Variants in USH2A observed in about 807,000 individuals in gnomAD.
USH2A encodes the protein usherin, also known as Usher syndrome 2A (autosomal recessive, mild).
USH2A carries 443 observed loss-of-function variants against 538.9 expected under a neutral mutation model. The observed-to-expected ratio is 0.82, with a 90% CI of 0.76 to 0.89. USH2A has a LOEUF of 0.89. USH2A is among the 40% of genes least tolerant of loss of function. The probability of loss-of-function intolerance (pLI) is 0.00; values close to 1 mark genes in which losing one functional copy is unlikely to be tolerated. For missense variants in USH2A, 6,633 were observed against 6,324.8 expected (o/e 1.05, Z -1.65); for synonymous variants, 2,413 against 2,273.5 (o/e 1.06, Z -1.75).
intron 64 of USH2A, among the ~76,000 whole-genome samples, chr1:215,659,861 G>C (rs1048909427): frequency 3.9e-5 from 6 of 152,166 alleles, no homozygotes; most frequent in African/African-American, 1.4e-4. Context: ...GGGTCAGAAA[G>C]TCAGGACTTG....
intron 37 of USH2A, among the ~76,000 whole-genome samples, chr1:215,935,713 C>T (rs1019585849): frequency 5.3e-5 from 8 of 151,762 alleles, no homozygotes; most frequent in African/African-American, 1.9e-4. Context: ...GTAACATTTT[C>T]TATATTAGAT....
At chr1:215,948,422 T>C (rs1319596889) in intron 37 of USH2A, among the ~76,000 whole-genome samples, 2 of 99,696 alleles carry the variant, frequency 2.0e-5, no homozygotes, top group Admixed American at 2.5e-4. Flanking sequence ...TCATATTTGT[T>C]CAGATATATA....
chr1:216,101,009 T>A (rs2032564958), intron 21 of USH2A, among the ~76,000 whole-genome samples: 1 of 152,198 alleles, frequency 6.6e-6, no homozygotes. Context: ...ATTGATGGTG[T>A]ATGTGAGACT....
At chr1:216,059,375 A>T (rs1200255720) in intron 30 of USH2A, among the ~76,000 whole-genome samples, 2 of 152,194 alleles carry the variant, frequency 1.3e-5, no homozygotes, top group Non-Finnish European at 2.9e-5. Flanking sequence ...GAAATCAATG[A>T]TTCTTCAGGG....
chr1:215,711,558 A>G (rs991896466), intron 61 of USH2A, among the ~76,000 whole-genome samples: 1 of 152,130 alleles, frequency 6.6e-6, no homozygotes, highest in South Asian at 2.1e-4. Flanking sequence ...TTAACAGGAA[A>G]ACTCCTCAAG....
chr1:216,063,959 C>T (rs76855797), intron 30 of USH2A, among the ~76,000 whole-genome samples: 19,076 of 152,008 alleles, frequency 0.13, 1,359 homozygotes, highest in African/African-American at 0.2. Flanking sequence ...TTAATCAAAA[C>T]GAAATAATGA....
At chr1:215,722,815 C>G (rs1659699228) in intron 61 of USH2A, among the ~76,000 whole-genome samples, 1 of 152,106 alleles carries the variant, frequency 6.6e-6, no homozygotes, top group Admixed American at 6.5e-5. Flanking sequence ...TTTATAACCC[C>G]GTGGAACAAG....
intron 61 of USH2A, among the ~76,000 whole-genome samples, chr1:215,704,391 C>G (rs1403706708): frequency 6.6e-6 from 1 of 152,226 alleles, no homozygotes; most frequent in East Asian, 1.9e-4. Flanking sequence ...ATGGAAATAG[C>G]TAACTGCTTA....
At chr1:216,314,381 A>G (rs1006342393) in intron 9 of USH2A, among the ~76,000 whole-genome samples, 2 of 152,242 alleles carry the variant, frequency 1.3e-5, no homozygotes, top group Non-Finnish European at 2.9e-5. Context: ...TGTAGATCCT[A>G]TAATATGAAC....
Position 216,238,775 on chromosome 1 carries a change from A to G in USH2A, c.2810-6639T>C, listed in dbSNP as rs187683877. Among the ~76,000 whole-genome samples, 89 of 152,308 alleles carry G rather than the reference A, an allele frequency of 5.8e-4. 1 individual carries two copies. The highest frequency in any genetic ancestry group is 3.3e-3 in the Admixed American group (51 of 15,298). ...GAAAGTGGGACAAGAATCTATGTGC[A>G]GTCATCTACTATGGGTCAGCAGTAT... is the stretch of plus-strand genomic sequence containing the variant. On this transcript the variant is annotated intron_variant, in intron 13 of 71. Coordinates refer to ENST00000307340, the MANE Select transcript of USH2A (RefSeq NM_206933.4).
chr1:216,216,049 T>C (rs619629), intron 15 of USH2A, among the ~76,000 whole-genome samples: 147,635 of 152,178 alleles, frequency 0.97, 71,654 homozygotes, highest in East Asian at 1. Flanking sequence ...GATTAGGTAT[T>C]GTAATTCCAT....
intron 56 of USH2A, among the ~76,000 whole-genome samples, chr1:215,762,172 G>A (rs1009186751): frequency 6.6e-6 from 1 of 152,184 alleles, no homozygotes; most frequent in African/African-American, 2.4e-5. Flanking sequence ...ACATTTGTAT[G>A]TGGGTTTCTC....
At position 215,844,347 on chromosome 1, in the gene USH2A, G is replaced by A. The variant is rs1428395974; in HGVS notation, c.9205C>T (p.Pro3069Ser). Reference protein sequence around the residue: ...NKLYKTGMNVPGSFILRDLSP... With the variant: ...NKLYKTGMNVSGSFILRDLSP... ...AGGTCTCTCAGAATAAACGACCCAG[G>A]CACATTCATTCCAGTCTTGTAGAGC... The change falls in exon 46 of 72, where the codon CCT (proline) becomes TCT (serine). Residue 3069 changes from proline (P) to serine (S), a missense_variant. Coordinates refer to ENST00000307340, the MANE Select transcript of USH2A (RefSeq NM_206933.4). 8.7e-6 allele frequency: 14 copies of A among 1,613,680 alleles called. No homozygotes were observed. The East Asian group carries it at 2.9e-4, about 33-fold the overall frequency.
intron 9 of USH2A, among the ~76,000 whole-genome samples, chr1:216,309,261 A>G (rs2037377074): frequency 6.6e-6 from 1 of 152,198 alleles, no homozygotes; most frequent in East Asian, 1.9e-4. Flanking sequence ...TTAATTATAC[A>G]TTTCTAAATC....
intron 70 of USH2A, among the ~76,000 whole-genome samples, chr1:215,633,864 C>T (rs1284161920): frequency 1.3e-5 from 2 of 152,068 alleles, no homozygotes; most frequent in Non-Finnish European, 2.9e-5. Context: ...TGATGGGGCC[C>T]TCTCCCACTA....
intron 20 of USH2A, among the ~76,000 whole-genome samples, chr1:216,181,928 TATAGA>T (rs1179634270): frequency 3.9e-5 from 6 of 152,106 alleles, no homozygotes; most frequent in African/African-American, 1.2e-4. Flanking sequence ...TTTTGTGATA[TATAGA>T]ATAGAAGTCT....
chr1:215,764,904 C>T (rs1382498137), intron 56 of USH2A, among the ~76,000 whole-genome samples: 1 of 151,396 alleles, frequency 6.6e-6, no homozygotes, highest in East Asian at 1.9e-4. Flanking sequence ...CATGTTTCTT[C>T]TGCAGAGGAA....
intron 21 of USH2A, among the ~76,000 whole-genome samples, chr1:216,144,224 C>A (rs1333052114): frequency 2.6e-5 from 4 of 152,064 alleles, no homozygotes; most frequent in Admixed American, 1.3e-4. Context: ...GAGAAATGAC[C>A]CATAGTTTAA....
intron 21 of USH2A, among the ~76,000 whole-genome samples, chr1:216,112,145 T>C (rs1205221545): frequency 6.6e-6 from 1 of 152,082 alleles, no homozygotes; most frequent in Non-Finnish European, 1.5e-5. Context: ...AAAATAACAG[T>C]TGAAAGCTAA....
Sources: allele counts gnomAD v4.1 joint callset (sites outside exome capture counted in the v4.1 genomes callset), GRCh38; gene constraint gnomAD v4.1.1; transcripts MANE v1.5; gene names NCBI Gene and HGNC (gene_info 2026-07-23, HGNC 2026-07-21).